PCDHGB1: variants seen among roughly 807,000 people sequenced by gnomAD.
The protein encoded by PCDHGB1 is protocadherin gamma subfamily B, 1, also known as protocadherin gamma-B1.
A neutral mutation model predicts 56.6 loss-of-function variants in PCDHGB1; 34 were observed. The ratio of observed to expected loss-of-function variants is 0.60; its 90% CI spans 0.46 to 0.80. PCDHGB1 has a LOEUF of 0.80. Ranked by LOEUF, PCDHGB1 falls within the 30% of genes least tolerant of loss-of-function variation. The probability of loss-of-function intolerance (pLI) is 0.00; values close to 1 mark genes in which losing one functional copy is unlikely to be tolerated. For missense variants in PCDHGB1, 1,278 were observed against 1,204.6 expected, an observed-to-expected ratio of 1.06 and a Z score of -0.90; for synonymous variants, 561 against 505.9, an observed-to-expected ratio of 1.11 and a Z score of -1.46.
Position 141,352,257 on chromosome 5 carries a change from A to C in PCDHGB1, c.1997A>C (p.Glu666Ala). Residue 666 changes from glutamate to alanine, a missense_variant, in exon 1 of 4, where the codon GAG becomes GCG. Transcript: ENST00000523390. ...LHLIFADSLQ[E>A]VLPDLSDRPE... ...CTAATCTTCGCGGATAGCCTGCAAGAGGTATTGCCAGACCTCAGCGACCGC... is the reference window on the plus strand; with the variant it reads ...CTAATCTTCGCGGATAGCCTGCAAGCGGTATTGCCAGACCTCAGCGACCGC... The C allele has an allele frequency of 1.2e-6, 2 of 1,614,052 alleles. No homozygotes were observed. The highest frequency in any genetic ancestry group is 2.2e-5 in the South Asian group (2 of 91,090).
At chr5:141,386,173 C>T (rs72790028) in intron 1 of PCDHGB1, among the ~76,000 whole-genome samples, 9,793 of 152,202 alleles carry the variant, frequency 0.064, 369 homozygotes, top group African/African-American at 0.1. Flanking sequence ...AACCTTAGAC[C>T]ATCTTATGTA....
chr5:141,394,491 C>G, intron 1 of PCDHGB1: 1 of 1,614,234 alleles, frequency 6.2e-7, no homozygotes, highest in East Asian at 2.2e-5. Flanking sequence ...TGACAACGCG[C>G]CCGAGATCCT....
At position 141,490,027 on chromosome 5, in the gene PCDHGB1, C is replaced by T. The variant is rs767829552; in HGVS notation, c.2410-4780C>T. Reference sequence around the variant, plus strand: ...TGCACCCATTGGTACTCTGCTGCTCCGCCTCAATGCCACTGATCCAGACGA... The same window carrying T: ...TGCACCCATTGGTACTCTGCTGCTCTGCCTCAATGCCACTGATCCAGACGA... On this transcript the variant is annotated intron_variant, in intron 1 of 3. Coordinates refer to ENST00000523390, the MANE Select transcript of PCDHGB1 (RefSeq NM_018922.3). This position sits in a 1 kb window ranked among gnomAD's most constrained non-coding sequence, Gnocchi z 5.4. The T allele has an allele frequency of 2.4e-5, 39 of 1,614,096 alleles. No homozygotes were observed. The highest frequency in any genetic ancestry group is 4.0e-5 in the African/African-American group (3 of 74,942).
chr5:141,431,356 C>T lies in PCDHGB1; in HGVS notation c.2410-63451C>T. ...ACCCCGAATTGGTGCTGAAACGCGC[C>T]CTGGACCGCGAAGAAAAGGCTGCTC... On this transcript the variant is annotated intron_variant, in intron 1 of 3. Transcript: ENST00000523390. This position sits in a 1 kb window ranked among gnomAD's most constrained non-coding sequence, Gnocchi z 4.8. 6.2e-7 allele frequency: 1 copy of T among 1,614,004 alleles called. No individual in the cohort carries two copies. The highest frequency in any genetic ancestry group is 8.5e-7 in the Non-Finnish European group (1 of 1,180,026).
chr5:141,421,736 G>A lies in PCDHGB1; in HGVS notation c.2409+69067G>A, dbSNP rs767237323. 5.3e-5 allele frequency: 86 copies of A among 1,613,810 alleles called. No individual in the cohort carries two copies. The highest frequency in any genetic ancestry group is 6.9e-5 in the Non-Finnish European group (82 of 1,179,858). Reference sequence around the variant, plus strand: ...GATGTGGGCGTGAACTCCCTCCAGAGCTACCAGCTCAGCCCTAATAATTAC... The same window carrying A: ...GATGTGGGCGTGAACTCCCTCCAGAACTACCAGCTCAGCCCTAATAATTAC... On this transcript the variant is annotated intron_variant, in intron 1 of 3. Transcript: ENST00000523390.
In PCDHGB1 at chr5:141,352,112, C is replaced by G. The variant is rs1037474296; in HGVS notation, c.1852C>G (p.Arg618Gly). ...GCCCGGGCTCTTCAGCCTGGGGTTG[C>G]GCACGGGTGAGGTGCGCACAGCGCG... is the stretch of plus-strand genomic sequence containing the variant. The part of the protein sequence containing the change: ...SEPGLFSLGL[R>G]TGEVRTARAL... The change falls in exon 1 of 4, where the codon CGC becomes GGC. Residue 618 changes from arginine (R) to glycine (G), a missense_variant. Coordinates refer to ENST00000523390, the MANE Select transcript of PCDHGB1 (RefSeq NM_018922.3). 3.1e-6 allele frequency: 5 copies of G among 1,607,318 alleles called. No homozygotes were observed. Among genetic ancestry groups the G allele is most frequent in the Non-Finnish European group, 4.2e-6 (5 of 1,177,768 alleles).
intron 1 of PCDHGB1, chr5:141,414,517 G>A: frequency 6.2e-7 from 1 of 1,613,964 alleles, no homozygotes; most frequent in Non-Finnish European, 8.5e-7. Context: ...ACAAGTGGCA[G>A]ATATCAATGA....
Position 141,368,993 on chromosome 5 carries a change from G to A in PCDHGB1, c.2409+16324G>A, listed in dbSNP as rs968608216. Among the ~76,000 whole-genome samples, 4 of 152,098 alleles carry A rather than the reference G, an allele frequency of 2.6e-5. No homozygotes were observed. The East Asian group carries it at 5.8e-4, about 22-fold the overall frequency. Reference sequence around the variant, plus strand: ...TGCTTTTCCACTATAAGGTGAATTCGGTGTGGAACTCATTGCTTATTGCTG... The same window carrying A: ...TGCTTTTCCACTATAAGGTGAATTCAGTGTGGAACTCATTGCTTATTGCTG... On this transcript the variant is annotated intron_variant, in intron 1 of 3. Transcript: ENST00000523390.
chr5:141,408,277 C>T (rs367948897), intron 1 of PCDHGB1: 2 of 1,611,980 alleles, frequency 1.2e-6, no homozygotes, highest in African/African-American at 1.3e-5. Context: ...TGCCTTTGTT[C>T]TACCCCACCC....
At chr5:141,430,567 A>G in intron 1 of PCDHGB1, 1 of 434,308 alleles carries the variant, frequency 2.3e-6, no homozygotes, top group Non-Finnish European at 3.9e-6. Context: ...GGGGAGAGAA[A>G]AGCGGAGATC....
At chr5:141,457,475 G>T (rs1203288452) in intron 1 of PCDHGB1, among the ~76,000 whole-genome samples, 1 of 152,142 alleles carries the variant, frequency 6.6e-6, no homozygotes, top group East Asian at 1.9e-4. Flanking sequence ...AATAAGCAGG[G>T]CCAGGGTTAG....
intron 1 of PCDHGB1, chr5:141,415,055 C>T (rs767474996): frequency 6.2e-7 from 1 of 1,613,400 alleles, no homozygotes; most frequent in African/African-American, 1.3e-5. Flanking sequence ...GGGGAGCACA[C>T]GGGCGAGGTG....
intron 1 of PCDHGB1, chr5:141,372,002 C>T (rs1010544928): frequency 3.1e-6 from 5 of 1,613,170 alleles, no homozygotes; most frequent in Non-Finnish European, 4.2e-6. Context: ...AGGCCCGCGA[C>T]CAGGGCTCGC....
chr5:141,377,009 G>A (rs1392243564), intron 1 of PCDHGB1: 2 of 155,212 alleles, frequency 1.3e-5, no homozygotes, highest in Non-Finnish European at 2.9e-5. Flanking sequence ...TTTATTGGTT[G>A]ACAGGAAAAT....
At chr5:141,374,071 T>C (rs1443520558) in intron 1 of PCDHGB1, 3 of 1,507,898 alleles carry the variant, frequency 2.0e-6, no homozygotes, top group Non-Finnish European at 2.7e-6. Flanking sequence ...GAGAAGTTCC[T>C]AATAAGCCAG....
rs527630741 is a variant in PCDHGB1, at chr5:141,493,568, G to A, written c.2410-1239G>A. ...TTGGAGATTGAGTTCCCCCAGCTCC[G>A]TTTCCTCCTATCACAATCACTGCAT... is the stretch of plus-strand genomic sequence containing the variant. On this transcript the variant is annotated intron_variant, in intron 1 of 3. Coordinates refer to ENST00000523390, the MANE Select transcript of PCDHGB1 (RefSeq NM_018922.3). This position sits in a 1 kb window ranked among gnomAD's most constrained non-coding sequence, Gnocchi z 4.3. 3.9e-5 allele frequency among the ~76,000 whole-genome samples: 6 copies of A among 152,250 alleles called. No homozygotes were observed. Among genetic ancestry groups the A allele is most frequent in the African/African-American group, 9.6e-5 (4 of 41,550 alleles).
chr5:141,431,828 C>T lies in PCDHGB1; in HGVS notation c.2410-62979C>T. The T allele has an allele frequency of 6.2e-7, 1 of 1,610,208 alleles. No individual in the cohort carries two copies. Among genetic ancestry groups the T allele is most frequent in the Non-Finnish European group, 8.5e-7 (1 of 1,176,374 alleles). On this transcript the variant is annotated intron_variant, in intron 1 of 3. Transcript: ENST00000523390. This position sits in a 1 kb window ranked among gnomAD's most constrained non-coding sequence, Gnocchi z 4.8. Reference sequence around the variant, plus strand: ...CCTCACCTCTCTCGCCAGCTCGGTTCCCGAAAACTCTCCCAGAGGGACATT... The same window carrying T: ...CCTCACCTCTCTCGCCAGCTCGGTTTCCGAAAACTCTCCCAGAGGGACATT...
At chr5:141,509,322 C>G (rs563556144) in intron 3 of PCDHGB1, among the ~76,000 whole-genome samples, 1 of 152,318 alleles carries the variant, frequency 6.6e-6, no homozygotes, top group East Asian at 1.9e-4. Flanking sequence ...GAGAGAAGCT[C>G]TACTGCCAGC....
intron 1 of PCDHGB1, among the ~76,000 whole-genome samples, chr5:141,387,210 C>T (rs944882080): frequency 3.9e-5 from 6 of 152,012 alleles, no homozygotes; most frequent in Non-Finnish European, 5.9e-5. Context: ...CTGATACTCT[C>T]CGGAAAAAGT....
Sources: allele counts gnomAD v4.1 joint callset (sites outside exome capture counted in the v4.1 genomes callset), GRCh38; gene constraint gnomAD v4.1.1; non-coding constraint Gnocchi (gnomAD v3.1); transcripts MANE v1.5; gene names NCBI Gene and HGNC (gene_info 2026-07-23, HGNC 2026-07-21).